TCP11L1: variants seen among roughly 807,000 people sequenced by gnomAD.
The protein encoded by TCP11L1 is T-complex protein 11-like protein 1.
In TCP11L1, 28 loss-of-function variants were observed where a neutral mutation model predicts 48.9. That is an observed-to-expected ratio of 0.57 (90% CI 0.42 to 0.78). The LOEUF is 0.78. Ranked by LOEUF, TCP11L1 falls within the 30% of genes least tolerant of loss-of-function variation. TCP11L1 has a pLI of 0.00. For synonymous variants in TCP11L1, 204 were observed against 231.9 expected, an observed-to-expected ratio of 0.88 and a Z score of 1.09; for missense variants, 505 against 613.4, an observed-to-expected ratio of 0.82 and a Z score of 1.87.
In TCP11L1 at chr11:33,047,051, T is replaced by C. The variant is rs574508188; in HGVS notation, c.163+3115T>C. Among the ~76,000 whole-genome samples the C allele has an allele frequency of 2.1e-3, 316 of 152,050 alleles. 1 individual carries two copies. The highest frequency in any genetic ancestry group is 1.5e-3 in the Non-Finnish European group (105 of 67,968). On this transcript the variant is annotated intron_variant, in intron 2 of 9. Transcript: ENST00000334274. ...CAACCTGGCCAACATGGTGAAACAC[T>C]GTTTCTACTAAAAATACAAAAATTA...
In TCP11L1 at chr11:33,065,764, C is replaced by A. The variant is rs112783187; in HGVS notation, c.973-66C>A. The A allele has an allele frequency of 1.8e-4, 273 of 1,550,072 alleles. No individual in the cohort carries two copies. The African/African-American group carries it at 3.4e-3, about 19-fold the overall frequency. ...GCAGAGGCAGGTGTGGGGGCTGTGG[C>A]GCTCCCGCCCTCTGCTGGCCAACCT... On this transcript the variant is annotated intron_variant, in intron 7 of 9. Transcript: ENST00000334274.
intron 7 of TCP11L1, among the ~76,000 whole-genome samples, chr11:33,062,446 C>T (rs576643648): frequency 2.0e-5 from 3 of 152,320 alleles, no homozygotes; most frequent in East Asian, 3.9e-4. Context: ...CGTTGTAGCA[C>T]ATATAGCAGT....
At chr11:33,046,293 C>T (rs1343251453) in intron 2 of TCP11L1, among the ~76,000 whole-genome samples, 1 of 152,250 alleles carries the variant, frequency 6.6e-6, no homozygotes, top group Non-Finnish European at 1.5e-5. Flanking sequence ...TTTTTTTAAA[C>T]AATTTTAACT....
chr11:33,046,450 A>G (rs1020531272), intron 2 of TCP11L1, among the ~76,000 whole-genome samples: 7 of 152,260 alleles, frequency 4.6e-5, no homozygotes, highest in Non-Finnish European at 8.8e-5. Context: ...AAGAATACTT[A>G]TCCTGGGACC....
intron 6 of TCP11L1, 112 bp downstream of exon 6, chr11:33,059,207 A>C (rs1590233570): frequency 7.2e-7 from 1 of 1,393,652 alleles, no homozygotes; most frequent in Non-Finnish European, 9.8e-7. Context: ...TTAGTAGGAG[A>C]ATAGTCTAAT....
chr11:33,068,671 C>T lies in TCP11L1; in HGVS notation c.1155-16C>T, dbSNP rs370070273. The T allele has an allele frequency of 1.9e-6, 3 of 1,611,246 alleles. No individual in the cohort carries two copies. The African/African-American group carries it at 4.0e-5, about 22-fold the overall frequency. The stretch of plus-strand genomic sequence containing the variant: ...GTATTTTACTTATAGGCCCTTTCTC[C>T]CCTCCTCTGCCCCAGCTCCTTCCAT... On this transcript the variant is annotated splice_polypyrimidine_tract_variant and intron_variant, in intron 8 of 9. Transcript: ENST00000334274.
At chr11:33,044,144 A>C in intron 2 of TCP11L1, 1 of 478,302 alleles carries the variant, frequency 2.1e-6, no homozygotes, top group Non-Finnish European at 3.6e-6. Flanking sequence ...ATTTAGAATA[A>C]TGTCCAGAAC....
chr11:33,049,589 GTC>G (rs1216198273), intron 2 of TCP11L1, among the ~76,000 whole-genome samples: 2 of 152,098 alleles, frequency 1.3e-5, no homozygotes, highest in African/African-American at 2.4e-5. Context: ...GTGAACAAAG[GTC>G]TCTGTGTCAT....
chr11:33,064,946 G>A (rs1418438899), intron 7 of TCP11L1, among the ~76,000 whole-genome samples: 3 of 152,146 alleles, frequency 2.0e-5, no homozygotes, highest in Non-Finnish European at 4.4e-5. Flanking sequence ...ACCCACCATC[G>A]CACCTGGCCT....
intron 3 of TCP11L1, among the ~76,000 whole-genome samples, chr11:33,056,255 C>A (rs1854305768): frequency 1.3e-5 from 2 of 152,114 alleles, no homozygotes; most frequent in African/African-American, 4.8e-5. Context: ...GACTATAAAG[C>A]ATGCACCACC....
At chr11:33,061,428 T>C (rs182557580) in intron 6 of TCP11L1, 102 bp from the exon 7 acceptor site, 2 of 1,170,922 alleles carry the variant, frequency 1.7e-6, no homozygotes, top group African/African-American at 3.1e-5. Context: ...GTTCATACTT[T>C]ATACTTTATC....
chr11:33,058,306 G>C (rs10836018), intron 5 of TCP11L1, among the ~76,000 whole-genome samples, 167 bp downstream of exon 5: 62,091 of 151,152 alleles, frequency 0.41, 12,974 homozygotes, highest in African/African-American at 0.48. Flanking sequence ...TCAAGCAATT[G>C]TCGTGCCTCA....
chr11:33,041,245 G>C (rs1384589641), intron 1 of TCP11L1: 2 of 152,162 alleles, frequency 1.3e-5, no homozygotes, highest in Non-Finnish European at 2.9e-5. Context: ...CATCCCTCCT[G>C]GGCTCCTTCT....
intron 6 of TCP11L1, 40 bp from the exon 7 acceptor site, chr11:33,061,490 C>G (rs755714251): frequency 6.6e-7 from 1 of 1,521,098 alleles, no homozygotes; most frequent in African/African-American, 1.4e-5. Context: ...AGCATCCCTT[C>G]TTGGTGTCAA....
Position 33,072,543 on chromosome 11 carries a change from C to G in TCP11L1, c.1397C>G (p.Pro466Arg). Residue 466 changes from proline (P) to arginine (R), a missense_variant, in exon 10 of 10, where the codon CCT (proline) becomes CGT (arginine). Transcript: ENST00000334274. ...SGHQKPLPTV[P>R]GGLSPVQREL... ...CATCAGAAGCCATTGCCCACAGTCCCTGGGGGACTCAGTCCAGTTCAGAGA... is the reference window on the plus strand; with the variant it reads ...CATCAGAAGCCATTGCCCACAGTCCGTGGGGGACTCAGTCCAGTTCAGAGA... The G allele has an allele frequency of 1.9e-6, 3 of 1,614,150 alleles. No individual in the cohort carries two copies. Among genetic ancestry groups the G allele is most frequent in the Non-Finnish European group, 2.5e-6 (3 of 1,180,034 alleles).
chr11:33,043,669 G>T, intron 1 of TCP11L1, 81 bp from the exon 2 acceptor site: 1 of 1,240,972 alleles, frequency 8.1e-7, no homozygotes, highest in Non-Finnish European at 1.1e-6. Flanking sequence ...GAGGTTAAAT[G>T]ATTTGCCCTG....
intron 5 of TCP11L1, among the ~76,000 whole-genome samples, chr11:33,058,543 G>C (rs1397756676): frequency 8.5e-6 from 1 of 117,572 alleles, no homozygotes; most frequent in East Asian, 2.5e-4. Flanking sequence ...GGTACTCATG[G>C]ATTTAAAAAA....
At chr11:33,055,096 C>CT (rs1854272958) in intron 3 of TCP11L1, among the ~76,000 whole-genome samples, 1 of 152,156 alleles carries the variant, frequency 6.6e-6, no homozygotes, top group Admixed American at 6.5e-5. Flanking sequence ...ATCAAAAACT[C>CT]TATTGGTTGT....
intron 9 of TCP11L1, among the ~76,000 whole-genome samples, chr11:33,070,035 A>T (rs1461382285): frequency 6.6e-6 from 1 of 151,832 alleles, no homozygotes; most frequent in African/African-American, 2.4e-5. Context: ...CAGATTGAAA[A>T]CCAGCCCTTA....
Sources: allele counts gnomAD v4.1 joint callset (sites outside exome capture counted in the v4.1 genomes callset), GRCh38; gene constraint gnomAD v4.1.1; transcripts MANE v1.5; gene names NCBI Gene and HGNC (gene_info 2026-07-23, HGNC 2026-07-21).